OSBPL10: variants seen among roughly 807,000 people sequenced by gnomAD.
OSBPL10 encodes oxysterol-binding protein-related protein 10.
Under a neutral mutation model 81.7 loss-of-function variants are expected in OSBPL10, and 49 were observed. The ratio of observed to expected loss-of-function variants is 0.60; its 90% CI spans 0.48 to 0.76. The LOEUF (loss-of-function observed/expected upper bound fraction) is 0.76, where lower values mean the gene tolerates loss of function less well. Ranked by LOEUF, OSBPL10 falls within the 30% of genes least tolerant of loss-of-function variation. OSBPL10 has a pLI of 0.00. For missense variants in OSBPL10, 923 were observed against 987.8 expected (o/e 0.93, Z 0.88); for synonymous variants, 419 against 383.6 (o/e 1.09, Z -1.08).
chr3:31,703,934 G>C (rs1002962155), intron 6 of OSBPL10: 1 of 152,166 alleles, frequency 6.6e-6, no homozygotes, highest in East Asian at 1.9e-4. Flanking sequence ...AATAATTGAG[G>C]AATCCTTACC....
At chr3:31,720,827 A>C (rs1170131163) in intron 6 of OSBPL10, among the ~76,000 whole-genome samples, 1 of 142,480 alleles carries the variant, frequency 7.0e-6, no homozygotes, top group South Asian at 2.4e-4. Flanking sequence ...TTGAACCTGG[A>C]GCCAAGATCA....
chr3:31,913,747 C>A (rs998027074), intron 1 of OSBPL10, among the ~76,000 whole-genome samples: 3 of 152,130 alleles, frequency 2.0e-5, no homozygotes, highest in Admixed American at 1.3e-4. Context: ...TTGTTACTGA[C>A]AAGAAGCGTT....
At chr3:31,985,413 A>G (rs1472888254), upstream of OSBPL10, among the ~76,000 whole-genome samples, 1 of 152,234 alleles carries the variant, frequency 6.6e-6, no homozygotes, top group Non-Finnish European at 1.5e-5. Context: ...GAATGAAGCT[A>G]TGCATGATTG....
chr3:31,902,631 C>T (rs1295496327), intron 1 of OSBPL10, among the ~76,000 whole-genome samples: 5 of 152,082 alleles, frequency 3.3e-5, no homozygotes, highest in Admixed American at 6.5e-5. Flanking sequence ...GGCGCAATCT[C>T]GGCTCACTGC....
chr3:32,062,433 A>G lies in OSBPL10; in HGVS notation n.185+14963T>C, dbSNP rs1318904670. Among the ~76,000 whole-genome samples the G allele has an allele frequency of 3.2e-5, 3 of 94,284 alleles. 1 individual carries two copies. The highest frequency in any genetic ancestry group is 8.2e-5 in the African/African-American group (3 of 36,644). 61.9% of individuals were successfully genotyped at this position (94,284 alleles called of 152,430 possible). A position where few individuals can be genotyped will look rare whatever the true frequency, so the allele number is the denominator to read the frequency against. On this transcript the variant is annotated intron_variant and non_coding_transcript_variant, in intron 1 of 3. Coordinates refer to the OSBPL10 transcript ENST00000479173. The stretch of plus-strand genomic sequence containing the variant: ...TTATATGGCTATGTTTGTATGGCCC[A>G]GTATGTTTGTATGGCTATGGTATGT...
At chr3:31,871,094 C>T (rs568915468) in intron 3 of OSBPL10, among the ~76,000 whole-genome samples, 1 of 152,004 alleles carries the variant, frequency 6.6e-6, no homozygotes, top group Non-Finnish European at 1.5e-5. Flanking sequence ...AAGCAGGCTG[C>T]CCAAACCAGC....
At chr3:31,881,048 C>G (rs1267008022) in intron 1 of OSBPL10, among the ~76,000 whole-genome samples, 3 of 152,188 alleles carry the variant, frequency 2.0e-5, no homozygotes, top group Non-Finnish European at 4.4e-5. Context: ...ATGGTTCCTA[C>G]CCCTTCTTGC....
At chr3:31,957,258 C>T (rs1357529636) in intron 1 of OSBPL10, among the ~76,000 whole-genome samples, 2 of 152,078 alleles carry the variant, frequency 1.3e-5, no homozygotes. Context: ...TTTGTTCTTT[C>T]CAAAGAAATA....
chr3:31,924,569 C>G (rs1160031249), intron 1 of OSBPL10, among the ~76,000 whole-genome samples: 1 of 152,160 alleles, frequency 6.6e-6, no homozygotes, highest in Admixed American at 6.5e-5. Context: ...GCACTAAAAT[C>G]AGCATAATTT....
intron 3 of OSBPL10, among the ~76,000 whole-genome samples, chr3:31,855,405 A>G (rs143012782): frequency 1.3e-5 from 2 of 152,210 alleles, no homozygotes; most frequent in Non-Finnish European, 2.9e-5. Context: ...TGAAGAATAC[A>G]GTCCATGTAG....
At chr3:32,029,129 G>T (rs940735379) in intron 2 of OSBPL10, among the ~76,000 whole-genome samples, 1 of 152,058 alleles carries the variant, frequency 6.6e-6, no homozygotes, top group African/African-American at 2.4e-5. Flanking sequence ...GCAGTTTCCT[G>T]ATAAGCTCTC....
chr3:31,671,216 T>C (rs184768670), intron 8 of OSBPL10, among the ~76,000 whole-genome samples: 1 of 152,078 alleles, frequency 6.6e-6, no homozygotes. Context: ...AAGAGAAAGG[T>C]GGTCATTAGT....
At chr3:31,664,304 AGCAGCCAGAGCAGCGAGGG>A in intron 10 of OSBPL10, 72 bp from the exon 11 acceptor site, 1 of 1,519,788 alleles carries the variant, frequency 6.6e-7, no homozygotes, top group Non-Finnish European at 9.0e-7. Flanking sequence ...CTCTGCCAGG[AGCAGCCAGAGCAGCGAGGG>A]GCCGCCAGGC....
intron 2 of OSBPL10, among the ~76,000 whole-genome samples, chr3:31,988,010 G>A (rs1698959495): frequency 6.6e-6 from 1 of 152,142 alleles, no homozygotes; most frequent in Non-Finnish European, 1.5e-5. Flanking sequence ...GTTCAGACAG[G>A]GAAGCCAAGA....
intron 1 of OSBPL10, among the ~76,000 whole-genome samples, chr3:31,966,813 C>A (rs560392572): frequency 1.9e-4 from 29 of 152,244 alleles, no homozygotes; most frequent in Non-Finnish European, 4.1e-4. Context: ...TTACTAAACA[C>A]GATATCTGGA....
In OSBPL10 at chr3:32,026,057, T is replaced by TAGATAGATGATTGATAGATAGATA. The variant is rs58717718; in HGVS notation, n.298+20433_298+20434insTATCTATCTATCAATCATCTATCT. Among the ~76,000 whole-genome samples, 5 of 111,346 alleles carry TAGATAGATGATTGATAGATAGATA rather than the reference T, an allele frequency of 4.5e-5. No homozygotes were observed. In the East Asian group the frequency reaches 1.3e-3, roughly 29 times the overall value. 73.0% of individuals were successfully genotyped at this position (111,346 alleles called of 152,430 possible). A position where few individuals can be genotyped will look rare whatever the true frequency, so the allele number is the denominator to read the frequency against. ...ATAGATAGATAGATAGATAGATAGA[T>TAGATAGATGATTGATAGATAGATA]GATAGATAGATAGATAGATAGATAG... On this transcript the variant is annotated intron_variant and non_coding_transcript_variant, in intron 2 of 3. Transcript: ENST00000479173.
intron 1 of OSBPL10, among the ~76,000 whole-genome samples, chr3:31,882,440 T>C (rs1182334919): frequency 6.6e-6 from 1 of 152,072 alleles, no homozygotes; most frequent in Non-Finnish European, 1.5e-5. Context: ...AAATGGAAAA[T>C]CTTGGGCCCC....
intron 4 of OSBPL10, among the ~76,000 whole-genome samples, chr3:31,801,378 A>C (rs1699373671): frequency 6.6e-6 from 1 of 152,196 alleles, no homozygotes; most frequent in Non-Finnish European, 1.5e-5. Context: ...CCCTTGGCTC[A>C]ATCTGACAGA....
At chr3:31,668,878 C>A in intron 9 of OSBPL10, 54 bp from the exon 10 acceptor site, 1 of 1,420,770 alleles carries the variant, frequency 7.0e-7, no homozygotes, top group Non-Finnish European at 9.4e-7. Context: ...AAAACAGAGA[C>A]TTCAAAGGTA....
Sources: allele counts gnomAD v4.1 joint callset (sites outside exome capture counted in the v4.1 genomes callset), GRCh38; gene constraint gnomAD v4.1.1; transcripts MANE v1.5; gene names NCBI Gene and HGNC (gene_info 2026-07-23, HGNC 2026-07-21).